Variants in EIF2AK4 observed in about 807,000 individuals in gnomAD.
The protein encoded by EIF2AK4 is eukaryotic translation initiation factor 2 alpha kinase 4.
EIF2AK4 carries 139 observed loss-of-function variants against 211.1 expected under a neutral mutation model. The ratio of observed to expected loss-of-function variants is 0.66; its 90% CI spans 0.57 to 0.76. The LOEUF is 0.76. Among genes scored for constraint, EIF2AK4 ranks in the 30% least tolerant of loss-of-function variants. The pLI is 0.00. For synonymous variants in EIF2AK4, 710 were observed against 751.3 expected (o/e 0.94, Z 0.90); for missense variants, 1,664 against 2,043.8 (o/e 0.81, Z 3.58).
chr15:40,005,529 A>C (rs1339046234), intron 23 of EIF2AK4, among the ~76,000 whole-genome samples: 2 of 151,900 alleles, frequency 1.3e-5, no homozygotes, highest in African/African-American at 4.8e-5. Context: ...AAAAACAAAA[A>C]ACTGTACATA....
chr15:39,939,714 CCCATT>C, intron 2 of EIF2AK4, 97 bp downstream of exon 2: 1 of 897,074 alleles, frequency 1.1e-6, no homozygotes, highest in Non-Finnish European at 1.6e-6. Context: ...CCTTCCTGCT[CCCATT>C]CCACATAAAA....
intron 22 of EIF2AK4, among the ~76,000 whole-genome samples, 172 bp downstream of exon 22, chr15:40,002,960 T>G (rs1168433304): frequency 6.6e-6 from 1 of 152,200 alleles, no homozygotes; most frequent in African/African-American, 2.4e-5. Flanking sequence ...TATTACAGCC[T>G]TACTATTAAT....
At position 40,031,503 on chromosome 15, in the gene EIF2AK4, T is replaced by C. The variant is rs938802337; in HGVS notation, c.4660-666T>C. Among the ~76,000 whole-genome samples, 37 of 152,064 alleles carry C rather than the reference T, an allele frequency of 2.4e-4. 1 individual carries two copies. The highest frequency in any genetic ancestry group is 8.5e-4 in the African/African-American group (35 of 41,330). Reference sequence around the variant, plus strand: ...TTTCAGTTCTCACACCATGTCCTCATTGCTGCCACCTCTCCCTTTTTCCCA... The same window carrying C: ...TTTCAGTTCTCACACCATGTCCTCACTGCTGCCACCTCTCCCTTTTTCCCA... On this transcript the variant is annotated intron_variant, in intron 35 of 38. Transcript: ENST00000263791.
intron 32 of EIF2AK4, among the ~76,000 whole-genome samples, chr15:40,023,878 GACAA>G (rs1442468996): frequency 6.6e-6 from 1 of 152,030 alleles, no homozygotes; most frequent in Non-Finnish European, 1.5e-5. Flanking sequence ...ATGAGGTATT[GACAA>G]ACTACACCTT....
intron 11 of EIF2AK4, among the ~76,000 whole-genome samples, chr15:39,976,004 A>T (rs1192084395): frequency 6.6e-6 from 1 of 152,186 alleles, no homozygotes; most frequent in African/African-American, 2.4e-5. Flanking sequence ...GTTTTTAGTG[A>T]CTTTAAGTGT....
intron 4 of EIF2AK4, among the ~76,000 whole-genome samples, chr15:39,949,561 A>G (rs899776224): frequency 6.6e-6 from 1 of 152,182 alleles, no homozygotes; most frequent in Non-Finnish European, 1.5e-5. Flanking sequence ...ACAGGAGTTC[A>G]CTGCATTTTA....
intron 3 of EIF2AK4, 139 bp downstream of exon 3, chr15:39,943,624 T>A: frequency 1.4e-6 from 1 of 694,574 alleles, no homozygotes; most frequent in Non-Finnish European, 2.3e-6. Flanking sequence ...TTAATAGGAT[T>A]AATGAAATTT....
chr15:40,006,718 A>G (rs2035166716), intron 23 of EIF2AK4, among the ~76,000 whole-genome samples: 1 of 152,244 alleles, frequency 6.6e-6, no homozygotes, highest in Non-Finnish European at 1.5e-5. Flanking sequence ...GACATAATAA[A>G]AGCTCCACAG....
chr15:39,957,471 T>C (rs2034407147), intron 6 of EIF2AK4, among the ~76,000 whole-genome samples: 2 of 152,106 alleles, frequency 1.3e-5, no homozygotes, highest in African/African-American at 4.8e-5. Flanking sequence ...AGCCCCTCCT[T>C]CTCATTCAGT....
intron 9 of EIF2AK4, among the ~76,000 whole-genome samples, chr15:39,968,402 C>T (rs1213996256): frequency 6.6e-6 from 1 of 152,156 alleles, no homozygotes; most frequent in Non-Finnish European, 1.5e-5. Flanking sequence ...AATTACAAAG[C>T]CAAGTTTTAT....
At chr15:39,995,530 C>A (rs1235143328) in intron 18 of EIF2AK4, among the ~76,000 whole-genome samples, 4 of 152,194 alleles carry the variant, frequency 2.6e-5, no homozygotes, top group Non-Finnish European at 4.4e-5. Context: ...TCCTTCGTGG[C>A]ACCCTACTTA....
intron 27 of EIF2AK4, among the ~76,000 whole-genome samples, chr15:40,014,420 G>A (rs571393745): frequency 4.6e-5 from 7 of 152,296 alleles, no homozygotes; most frequent in African/African-American, 1.2e-4. Context: ...CTTGTTTTCC[G>A]TGCATCTGCA....
At chr15:39,994,802 C>T (rs1237854291) in intron 18 of EIF2AK4, among the ~76,000 whole-genome samples, 1 of 152,024 alleles carries the variant, frequency 6.6e-6, no homozygotes, top group East Asian at 1.9e-4. Flanking sequence ...ATGGACTGCA[C>T]ACACTGTGAG....
At chr15:40,006,415 A>G (rs1178640937) in intron 23 of EIF2AK4, among the ~76,000 whole-genome samples, 2 of 152,228 alleles carry the variant, frequency 1.3e-5, no homozygotes, top group African/African-American at 4.8e-5. Context: ...TTTAAATATC[A>G]GCTCCCATTC....
At chr15:40,022,214 G>GTGTGTGTGTGTGTGT in intron 31 of EIF2AK4, 2 of 232,440 alleles carry the variant, frequency 8.6e-6, no homozygotes, top group Non-Finnish European at 1.6e-5. Context: ...GTGTGTGTGT[G>GTGTGTGTGTGTGTGT]TATGTTGTGT....
At chr15:40,034,929 C>T in intron 38 of EIF2AK4, 98 bp from the exon 39 acceptor site, 9 of 938,246 alleles carry the variant, frequency 9.6e-6, no homozygotes, top group African/African-American at 1.7e-5. Flanking sequence ...CTTGTTTTTG[C>T]TTAAATAAAG....
intron 15 of EIF2AK4, among the ~76,000 whole-genome samples, chr15:39,989,891 G>A (rs2034918711): frequency 1.3e-5 from 2 of 152,146 alleles, no homozygotes; most frequent in South Asian, 4.1e-4. Flanking sequence ...GGAAAAAAGC[G>A]AGTATCCTAC....
At chr15:39,984,452 A>G (rs2034836487) in intron 13 of EIF2AK4, among the ~76,000 whole-genome samples, 1 of 152,088 alleles carries the variant, frequency 6.6e-6, no homozygotes, top group Non-Finnish European at 1.5e-5. Context: ...CAGTGTGGCC[A>G]TTTTCACAGT....
chr15:39,978,454 T>C (rs3765126), intron 13 of EIF2AK4, among the ~76,000 whole-genome samples: 13,088 of 152,236 alleles, frequency 0.086, 995 homozygotes, highest in East Asian at 0.25. Flanking sequence ...GGGATAAGAA[T>C]TGAATGCAAA....
Sources: gnomAD v4.1 joint callset for allele counts (sites outside exome capture counted in the v4.1 genomes callset) on GRCh38, gnomAD v4.1.1 for gene constraint, MANE v1.5 for transcripts, NCBI Gene and HGNC (gene_info 2026-07-23, HGNC 2026-07-21) for gene names.